FOXL2: variants seen among roughly 807,000 people sequenced by gnomAD.
FOXL2 encodes the protein forkhead box L2, also known as forkhead box protein L2.
FOXL2 carries 3 observed loss-of-function variants against 2.5 expected under a neutral mutation model. The observed-to-expected ratio is 1.20, with a 90% confidence interval of 0.55 to 3.11. The LOEUF is 3.11. Among genes scored for constraint, FOXL2 ranks in the 30% most tolerant of loss-of-function variants. The pLI, the probability that FOXL2 is intolerant of heterozygous loss-of-function variation, is 0.03. For missense variants in FOXL2, 512 were observed against 570.0 expected, an observed-to-expected ratio of 0.90 and a Z score of 1.04; for synonymous variants, 315 against 269.4, an observed-to-expected ratio of 1.17 and a Z score of -1.66.
chr3:138,946,159 G>A lies in FOXL2; in HGVS notation c.564C>T (p.Tyr188=). ...ACTGCAGGTACTTGGGGGGCGCCAGGTAGCCGTAGCCGTCGGCCCCGGCGC... is the reference window on the plus strand; with the variant it reads ...ACTGCAGGTACTTGGGGGGCGCCAGATAGCCGTAGCCGTCGGCCCCGGCGC... The part of the protein sequence containing the change: ...VAGAGADGYG[Y]LAPPKYLQSG... The change falls in exon 1 of 1, where the codon TAC becomes TAT. Residue 188 remains tyrosine, a synonymous_variant. Transcript: ENST00000648323. The A allele has an allele frequency of 2.0e-6, 3 of 1,483,764 alleles. No individual in the cohort carries two copies. The highest frequency in any genetic ancestry group is 2.9e-5 in the East Asian group (1 of 34,844). 91.9% of individuals were successfully genotyped at this position (1,483,764 alleles called of 1,614,324 possible).
Position 138,946,215 on chromosome 3 carries a change from C to G in FOXL2, c.508G>C (p.Gly170Arg), listed in dbSNP as rs1395169710. ...FQPGKGLFGA[G>R]GAAGGCGVAG... The stretch of plus-strand genomic sequence containing the variant: ...ACGCCGCACCCGCCTGCGGCGCCTC[C>G]GGCCCCGAAGAGCCCCTTGCCGGGC... Residue 170 changes from glycine (G) to arginine (R), a missense_variant, in exon 1 of 1, where the codon GGA becomes CGA. Coordinates refer to ENST00000648323, the MANE Select transcript of FOXL2 (RefSeq NM_023067.4). The G allele has an allele frequency of 6.6e-7, 1 of 1,519,732 alleles. No homozygotes were observed. 94.1% of individuals were successfully genotyped at this position (1,519,732 alleles called of 1,614,324 possible).
Position 138,945,239 on chromosome 3 carries a change from G to A in FOXL2, c.*353C>T. The A allele has an allele frequency of 8.1e-6, 2 of 245,950 alleles. No homozygotes were observed. The highest frequency in any genetic ancestry group is 1.1e-4 in the Admixed American group (2 of 18,764). 15.2% of individuals were successfully genotyped at this position (245,950 alleles called of 1,614,324 possible). On this transcript the variant is annotated 3_prime_UTR_variant, in exon 1 of 1. Transcript: ENST00000648323. ...CAAGAGGTCTGCGCTGCCGACGCCC[G>A]GTCGCACCTCCGCCCCGGGCCCTTT...
Position 138,946,702 on chromosome 3 carries a change from C to G in FOXL2, c.21G>C (p.Glu7Asp). The G allele has an allele frequency of 6.3e-7, 1 of 1,582,886 alleles. No individual in the cohort carries two copies. Among genetic ancestry groups the G allele is most frequent in the Middle Eastern group, 1.9e-4 (1 of 5,152 alleles). Residue 7 changes from glutamate (E) to aspartate (D), a missense_variant, in exon 1 of 1, where the codon GAG becomes GAC. Coordinates refer to ENST00000648323, the MANE Select transcript of FOXL2 (RefSeq NM_023067.4). MMASYP[E>D]PEDAAGALLA... ...GCAGGGCCCCCGCCGCGTCCTCGGG[C>G]TCGGGGTAGCTGGCCATCATGACAA... is the stretch of plus-strand genomic sequence containing the variant.
Position 138,946,024 on chromosome 3 carries a change from G to GGCTGCAGCCGCAGCT in FOXL2, c.684_698dup (p.Ala230_Ala234dup), listed in dbSNP as rs387906322. The GGCTGCAGCCGCAGCT allele has an allele frequency of 2.2e-6, 3 of 1,388,746 alleles. No individual in the cohort carries two copies. The highest frequency in any genetic ancestry group is 1.8e-6 in the Non-Finnish European group (2 of 1,083,830). 86.0% of individuals were successfully genotyped at this position (1,388,746 alleles called of 1,614,324 possible). ...CCGCGCCAGGGCTACCGGGGCCCGC[G>GGCTGCAGCCGCAGCT]GCTGCAGCCGCAGCTGCTGCAGCCG... On this transcript the variant is annotated inframe_insertion, in exon 1 of 1. Transcript: ENST00000648323.
In FOXL2 at chr3:138,945,588, G is replaced by A. The variant is rs2107742969; in HGVS notation, c.*4C>T. On this transcript the variant is annotated 3_prime_UTR_variant, in exon 1 of 1. Coordinates refer to ENST00000648323, the MANE Select transcript of FOXL2 (RefSeq NM_023067.4). Reference sequence around the variant, plus strand: ...ATCCGTCTGCACCGGCATGCGGTGGGCTCTCAGAGATCGAGGCGCGAATGC... The same window carrying A: ...ATCCGTCTGCACCGGCATGCGGTGGACTCTCAGAGATCGAGGCGCGAATGC... The A allele has an allele frequency of 1.2e-6, 2 of 1,608,276 alleles. No individual in the cohort carries two copies. Among genetic ancestry groups the A allele is most frequent in the Non-Finnish European group, 1.7e-6 (2 of 1,177,038 alleles).
At position 138,946,762 on chromosome 3, in the gene FOXL2, C is replaced by G; in HGVS notation, c.-40G>C. On this transcript the variant is annotated 5_prime_UTR_variant, in exon 1 of 1. Coordinates refer to ENST00000648323, the MANE Select transcript of FOXL2 (RefSeq NM_023067.4). The stretch of plus-strand genomic sequence containing the variant: ...GCCGCGGCCGGGCCGCCTCTGCTCT[C>G]CGCTCCAGGCGCTGGCGCGGCAAAG... 7 of 1,547,306 alleles carry G rather than the reference C, an allele frequency of 4.5e-6. No individual in the cohort carries two copies. Among genetic ancestry groups the G allele is most frequent in the Non-Finnish European group, 6.1e-6 (7 of 1,146,254 alleles).
At position 138,946,587 on chromosome 3, in the gene FOXL2, G is replaced by C; in HGVS notation, c.136C>G (p.Pro46Ala). Residue 46 changes from proline to alanine, a missense_variant, in exon 1 of 1, where the codon CCG (proline) becomes GCG (alanine). Around this residue, in one of 5 missense-constraint regions of FOXL2, gnomAD observed 92 missense variants for 77.8 expected, o/e 1.18. Coordinates refer to ENST00000648323, the MANE Select transcript of FOXL2 (RefSeq NM_023067.4). ...TTCTGCGCCGGGTCCGGCTTCTCCG[G>C]GGCTGTCCCGCCGCCACCCCCACCG... ...KGGGGGGGTAPEKPDPAQKPP... is the reference protein window; with the variant it reads ...KGGGGGGGTAAEKPDPAQKPP... The C allele has an allele frequency of 6.2e-7, 1 of 1,606,672 alleles. No individual in the cohort carries two copies. The highest frequency in any genetic ancestry group is 1.1e-5 in the South Asian group (1 of 91,030).
Position 138,946,081 on chromosome 3 carries a change from G to T in FOXL2, c.642C>A (p.Pro214=), listed in dbSNP as rs1167651172. The change falls in exon 1 of 1, where the codon CCC becomes CCA. Residue 214 remains proline, a synonymous_variant. Transcript: ENST00000648323. ...CTGCCGCCATCTGGCAGGAGGCATA[G>T]GGCATGGGTGAGGGAGGCTGCGGTA... ...WPLPQPPSPM[P]YASCQMAAAA... The T allele has an allele frequency of 4.1e-5, 60 of 1,464,016 alleles. No individual in the cohort carries two copies. The highest frequency in any genetic ancestry group is 4.9e-5 in the Non-Finnish European group (55 of 1,116,822). 90.7% of individuals were successfully genotyped at this position (1,464,016 alleles called of 1,614,324 possible). A position where few individuals can be genotyped will look rare whatever the true frequency, so the allele number is the denominator to read the frequency against.
At position 138,946,024 on chromosome 3, in the gene FOXL2, GGCTGCAGCCGCAGCT is replaced by G. The variant is rs387906322; in HGVS notation, c.684_698del (p.Ala230_Ala234del). The G allele has an allele frequency of 8.6e-6, 12 of 1,388,630 alleles. No homozygotes were observed. The highest frequency in any genetic ancestry group is 1.5e-5 in the African/African-American group (1 of 65,140). The allele number at this position is 1,388,630 out of a possible 1,614,324, so 86.0% of individuals were successfully genotyped here. On this transcript the variant is annotated inframe_deletion, in exon 1 of 1. Transcript: ENST00000648323. ...CCGCGCCAGGGCTACCGGGGCCCGCGGCTGCAGCCGCAGCTGCTGCAGCCGCTGCGGCTGCCGCCA... is the reference window on the plus strand; with the variant it reads ...CCGCGCCAGGGCTACCGGGGCCCGCGGCTGCAGCCGCTGCGGCTGCCGCCA...
In FOXL2 at chr3:138,945,239, GGTCGC is replaced by G; in HGVS notation, c.*348_*352del. 1 of 245,950 alleles carries G rather than the reference GGTCGC, an allele frequency of 4.1e-6. No individual in the cohort carries two copies. The highest frequency in any genetic ancestry group is 1.6e-4 in the South Asian group (1 of 6,312). The allele number at this position is 245,950 out of a possible 1,614,324, so 15.2% of individuals were successfully genotyped here. ...CAAGAGGTCTGCGCTGCCGACGCCC[GGTCGC>G]ACCTCCGCCCCGGGCCCTTTCCGCG... On this transcript the variant is annotated 3_prime_UTR_variant, in exon 1 of 1. Coordinates refer to ENST00000648323, the MANE Select transcript of FOXL2 (RefSeq NM_023067.4).
Position 138,944,256 on chromosome 3 carries a change from T to C in FOXL2, c.*1336A>G. ...AAGGAACACAAAATTTATTCGGGAA[T>C]CGACAAGGCAAAAAACAAAAACAAA... On this transcript the variant is annotated 3_prime_UTR_variant, in exon 1 of 1. Coordinates refer to ENST00000648323, the MANE Select transcript of FOXL2 (RefSeq NM_023067.4). The C allele has an allele frequency of 4.3e-6, 1 of 232,722 alleles. No homozygotes were observed. Among genetic ancestry groups the C allele is most frequent in the Non-Finnish European group, 8.5e-6 (1 of 117,444 alleles). 14.4% of individuals were successfully genotyped at this position (232,722 alleles called of 1,614,324 possible).
Position 138,945,704 on chromosome 3 carries a change from G to C in FOXL2, c.1019C>G (p.Ala340Gly). 6.6e-7 allele frequency: 1 copy of C among 1,522,404 alleles called. No individual in the cohort carries two copies. The highest frequency in any genetic ancestry group is 1.2e-5 in the South Asian group (1 of 82,186). 94.3% of individuals were successfully genotyped at this position (1,522,404 alleles called of 1,614,324 possible). A position where few individuals can be genotyped will look rare whatever the true frequency, so the allele number is the denominator to read the frequency against. The change falls in exon 1 of 1, where the codon GCG (alanine) becomes GGG (glycine). Residue 340 changes from alanine to glycine, a missense_variant. Physicochemically the swap from Ala to Gly is moderately conservative, Grantham distance 60. Around this residue, in one of 5 missense-constraint regions of FOXL2, gnomAD observed 66 missense variants for 58.3 expected, o/e 1.13. Coordinates refer to ENST00000648323, the MANE Select transcript of FOXL2 (RefSeq NM_023067.4). ...AAPPAPAPTS[A>G]PGLQFACARQ... is the part of the protein sequence containing the mutation. ...GGCACAAGCGAACTGCAGGCCCGGC[G>C]CACTGGTGGGCGCGGGCGCCGGGGG...
At position 138,946,236 on chromosome 3, in the gene FOXL2, C is replaced by G. The variant is rs776277339; in HGVS notation, c.487G>C (p.Gly163Arg). The G allele has an allele frequency of 1.3e-6, 2 of 1,561,808 alleles. No homozygotes were observed. The highest frequency in any genetic ancestry group is 2.3e-5 in the South Asian group (2 of 86,078). Reference sequence around the variant, plus strand: ...CCTCCGGCCCCGAAGAGCCCCTTGCCGGGCTGGAAGTGCGCGGGCGGCGGC... The same window carrying G: ...CCTCCGGCCCCGAAGAGCCCCTTGCGGGGCTGGAAGTGCGCGGGCGGCGGC... ...FRPPPAHFQP[G>R]KGLFGAGGAA... The change falls in exon 1 of 1, where the codon GGC becomes CGC. Residue 163 changes from glycine (G) to arginine (R), a missense_variant. Coordinates refer to ENST00000648323, the MANE Select transcript of FOXL2 (RefSeq NM_023067.4).
chr3:138,945,479 C>G lies in FOXL2; in HGVS notation c.*113G>C, dbSNP rs1240744650. Reference sequence around the variant, plus strand: ...GGACCCTGGGCGCTGGCTCCAGAGGCGGGCCCAGAGGGTGTGAGGTCAGGC... The same window carrying G: ...GGACCCTGGGCGCTGGCTCCAGAGGGGGGCCCAGAGGGTGTGAGGTCAGGC... On this transcript the variant is annotated 3_prime_UTR_variant, in exon 1 of 1. Coordinates refer to ENST00000648323, the MANE Select transcript of FOXL2 (RefSeq NM_023067.4). 2.7e-6 allele frequency: 4 copies of G among 1,478,018 alleles called. No individual in the cohort carries two copies. The highest frequency in any genetic ancestry group is 3.6e-6 in the Non-Finnish European group (4 of 1,103,254). 91.6% of individuals were successfully genotyped at this position (1,478,018 alleles called of 1,614,324 possible).
In FOXL2 at chr3:138,944,918, G is replaced by A. The variant is rs1438527239; in HGVS notation, c.*674C>T. The A allele has an allele frequency of 4.3e-6, 1 of 232,756 alleles. No individual in the cohort carries two copies. Among genetic ancestry groups the A allele is most frequent in the Admixed American group, 5.6e-5 (1 of 17,772 alleles). The allele number at this position is 232,756 out of a possible 1,614,324, so 14.4% of individuals were successfully genotyped here. A position where few individuals can be genotyped will look rare whatever the true frequency, so the allele number is the denominator to read the frequency against. On this transcript the variant is annotated 3_prime_UTR_variant, in exon 1 of 1. Coordinates refer to ENST00000648323, the MANE Select transcript of FOXL2 (RefSeq NM_023067.4). The stretch of plus-strand genomic sequence containing the variant: ...TGCCCGAAGCGACGGGACTGATAGC[G>A]GAGGAAACGCAGCCTCCCTCCGCGC...
At position 138,945,619 on chromosome 3, in the gene FOXL2, G is replaced by T; in HGVS notation, c.1104C>A (p.Gly368=). The T allele has an allele frequency of 6.2e-7, 1 of 1,610,628 alleles. No homozygotes were observed. Among genetic ancestry groups the T allele is most frequent in the Non-Finnish European group, 8.5e-7 (1 of 1,178,436 alleles). Residue 368 remains glycine (G), a synonymous_variant, in exon 1 of 1, where the codon GGC becomes GGA. Transcript: ENST00000648323. ...CSYWDHDSKT[G]ALHSRLDL ...AGAGATCGAGGCGCGAATGCAGCGCGCCGGTCTTGCTGTCGTGGTCCCAGT... is the reference window on the plus strand; with the variant it reads ...AGAGATCGAGGCGCGAATGCAGCGCTCCGGTCTTGCTGTCGTGGTCCCAGT...
In FOXL2 at chr3:138,946,166, T is replaced by C. The variant is rs2107744066; in HGVS notation, c.557A>G (p.Tyr186Cys). The C allele has an allele frequency of 6.7e-7, 1 of 1,484,074 alleles. No homozygotes were observed. The highest frequency in any genetic ancestry group is 8.9e-7 in the Non-Finnish European group (1 of 1,124,812). 91.9% of individuals were successfully genotyped at this position (1,484,074 alleles called of 1,614,324 possible). A position where few individuals can be genotyped will look rare whatever the true frequency, so the allele number is the denominator to read the frequency against. The change falls in exon 1 of 1, where the codon TAC becomes TGC. Residue 186 changes from tyrosine (Y) to cysteine (C), a missense_variant. By Grantham distance (194) the Tyr-to-Cys change is radical. Coordinates refer to ENST00000648323, the MANE Select transcript of FOXL2 (RefSeq NM_023067.4). ...GTACTTGGGGGGCGCCAGGTAGCCG[T>C]AGCCGTCGGCCCCGGCGCCCGCCAC... ...CGVAGAGADGYGYLAPPKYLQ... is the reference protein window; with the variant it reads ...CGVAGAGADGCGYLAPPKYLQ...
At position 138,946,903 on chromosome 3, in the gene FOXL2, C is replaced by T; in HGVS notation, c.-181G>A. The T allele has an allele frequency of 1.1e-6, 1 of 939,096 alleles. No homozygotes were observed. The highest frequency in any genetic ancestry group is 1.6e-6 in the Non-Finnish European group (1 of 639,352). The allele number at this position is 939,096 out of a possible 1,614,324, so 58.2% of individuals were successfully genotyped here. On this transcript the variant is annotated 5_prime_UTR_variant, in exon 1 of 1. Coordinates refer to ENST00000648323, the MANE Select transcript of FOXL2 (RefSeq NM_023067.4). ...TGCTCTCCCCTCTCCTTCCCCTTCC[C>T]CTAGGGAGCGGCCGGCGGGAGTGGA...
rs1013722189 is a variant in FOXL2 at position 138,944,421 on chromosome 3, G to C, written c.*1171C>G. On this transcript the variant is annotated 3_prime_UTR_variant, in exon 1 of 1. Transcript: ENST00000648323. ...AAGACCGCCTAGGTCGGCCGCTGCC[G>C]GGTTTCACATTTCTCCTTCCCAAGG... The C allele has an allele frequency of 1.3e-5, 3 of 232,998 alleles. No individual in the cohort carries two copies. The East Asian group carries it at 1.8e-4, about 14-fold the overall frequency. 14.4% of individuals were successfully genotyped at this position (232,998 alleles called of 1,614,324 possible).
Sources: allele counts gnomAD v4.1 joint callset, GRCh38; gene constraint gnomAD v4.1.1; regional missense constraint gnomAD v4.1.1; transcripts MANE v1.5; gene names NCBI Gene and HGNC (gene_info 2026-07-23, HGNC 2026-07-21).